The following SGMS1 variants were observed in gnomAD, a reference collection of about 807,000 sequenced individuals.
The protein encoded by SGMS1 is sphingomyelin synthase 1.
A neutral mutation model predicts 46.2 loss-of-function variants in SGMS1; 13 were observed. The ratio of observed to expected loss-of-function variants is 0.28; its 90% CI spans 0.18 to 0.45. SGMS1 has a LOEUF of 0.45. SGMS1 is among the 20% of genes least tolerant of loss of function. SGMS1 has a pLI of 1.00. For missense variants in SGMS1, 324 were observed against 519.9 expected (o/e 0.62, Z 3.66); for synonymous variants, 203 against 187.8 (o/e 1.08, Z -0.66).
At chr10:50,570,765 T>C (rs1838330260) in intron 2 of SGMS1, among the ~76,000 whole-genome samples, 1 of 152,256 alleles carries the variant, frequency 6.6e-6, no homozygotes, top group East Asian at 1.9e-4. Context: ...AGATCCTATT[T>C]CTACAAAAAC....
intron 6 of SGMS1, among the ~76,000 whole-genome samples, chr10:50,392,486 C>T (rs1052666597): frequency 6.6e-6 from 1 of 152,142 alleles, no homozygotes; most frequent in African/African-American, 2.4e-5. Context: ...AGCAGTGATA[C>T]CTCTGGGTTC....
chr10:50,327,153 G>C (rs1364721845), intron 8 of SGMS1, 52 bp downstream of exon 8: 1 of 1,128,702 alleles, frequency 8.9e-7, no homozygotes, highest in Admixed American at 1.8e-5. Context: ...AAGGACCCCA[G>C]GGCAAGACAA....
intron 5 of SGMS1, among the ~76,000 whole-genome samples, chr10:50,457,177 T>C (rs979831049): frequency 6.6e-6 from 1 of 152,156 alleles, no homozygotes; most frequent in Non-Finnish European, 1.5e-5. Flanking sequence ...TTTAAGCACA[T>C]AGGAAAAATG....
In SGMS1 at chr10:50,583,041, T is replaced by C. The variant is rs571795483; in HGVS notation, c.-589+7112A>G. Among the ~76,000 whole-genome samples the C allele has an allele frequency of 6.6e-5, 10 of 152,262 alleles. No individual in the cohort carries two copies. In the South Asian group the frequency reaches 8.4e-4, roughly 13 times the overall value. ...AGAGGCTAGCGTGCATGAGGCACTA[T>C]TCTAAGTGCCCTGCAAATGTCCATT... On this transcript the variant is annotated intron_variant, in intron 2 of 10. Coordinates refer to ENST00000361781, the MANE Select transcript of SGMS1 (RefSeq NM_147156.4).
intron 2 of SGMS1, among the ~76,000 whole-genome samples, chr10:50,587,633 A>ATGTGTGTGTGTGTGTGTG (rs35240090): frequency 3.1e-4 from 43 of 138,256 alleles, no homozygotes; most frequent in African/African-American, 7.2e-4. Flanking sequence ...CAAAATATAT[A>ATGTGTGTGTGTGTGTGTG]TGTGTGTGTG....
At chr10:50,614,129 A>G (rs1286754281) in intron 1 of SGMS1, among the ~76,000 whole-genome samples, 1 of 150,402 alleles carries the variant, frequency 6.6e-6, no homozygotes, top group South Asian at 2.1e-4. Context: ...TTTTTTGCCA[A>G]TGGAAGGGGG....
chr10:50,572,640 T>C (rs1838346266), intron 2 of SGMS1, among the ~76,000 whole-genome samples: 1 of 152,212 alleles, frequency 6.6e-6, no homozygotes, highest in African/African-American at 2.4e-5. Flanking sequence ...AGTTTTCATT[T>C]CTAAAACTAT....
At chr10:50,624,527 C>T (rs894571739), upstream of SGMS1, 3 of 934,694 alleles carry the variant, frequency 3.2e-6, no homozygotes, top group Non-Finnish European at 3.8e-6. Flanking sequence ...CCTGGGAGCG[C>T]GACGGAGGCG....
At chr10:50,488,576 A>C (rs779242450) in intron 3 of SGMS1, among the ~76,000 whole-genome samples, 1 of 152,230 alleles carries the variant, frequency 6.6e-6, no homozygotes, top group Non-Finnish European at 1.5e-5. Flanking sequence ...AGGTGTCTAC[A>C]AAATGAGTCA....
intron 7 of SGMS1, among the ~76,000 whole-genome samples, chr10:50,337,798 GA>G (rs370855679): frequency 6.2e-5 from 9 of 145,768 alleles, no homozygotes; most frequent in African/African-American, 2.3e-4. Context: ...AAATGCTATA[GA>G]AATAATCTCT....
chr10:50,378,533 C>T (rs985989554), intron 6 of SGMS1, among the ~76,000 whole-genome samples: 1 of 152,164 alleles, frequency 6.6e-6, no homozygotes, highest in African/African-American at 2.4e-5. Context: ...CCAACTACAG[C>T]AGTAAAATTT....
At chr10:50,426,634 G>A (rs74132713) in intron 6 of SGMS1, among the ~76,000 whole-genome samples, 4,421 of 152,160 alleles carry the variant, frequency 0.029, 218 homozygotes, top group African/African-American at 0.1. Flanking sequence ...AATTAACCCT[G>A]TGCCTTTTGA....
chr10:50,535,064 T>C (rs1174054046), intron 2 of SGMS1, among the ~76,000 whole-genome samples: 1 of 152,070 alleles, frequency 6.6e-6, no homozygotes, highest in Non-Finnish European at 1.5e-5. Flanking sequence ...TGAAACCGTC[T>C]CTACTAAAAA....
chr10:50,321,664 ACAGGATGG>A (rs1310427646), intron 8 of SGMS1, among the ~76,000 whole-genome samples: 1 of 152,236 alleles, frequency 6.6e-6, no homozygotes, highest in Non-Finnish European at 1.5e-5. Flanking sequence ...ACACCATCCA[ACAGGATGG>A]CAGGAAGTTA....
chr10:50,618,443 C>CA (rs1337647332), intron 1 of SGMS1, among the ~76,000 whole-genome samples: 1 of 151,848 alleles, frequency 6.6e-6, no homozygotes, highest in African/African-American at 2.4e-5. Flanking sequence ...TAGAATATAC[C>CA]AAAAAAATCT....
At chr10:50,600,534 C>A (rs1838639898) in intron 1 of SGMS1, among the ~76,000 whole-genome samples, 1 of 152,180 alleles carries the variant, frequency 6.6e-6, no homozygotes, top group Non-Finnish European at 1.5e-5. Context: ...TTTGAACACC[C>A]AATCACATCC....
At chr10:50,597,998 G>C (rs1277309951) in intron 1 of SGMS1, among the ~76,000 whole-genome samples, 5 of 148,470 alleles carry the variant, frequency 3.4e-5, no homozygotes, top group Non-Finnish European at 5.9e-5. Context: ...GGCAACAAGA[G>C]TGAAACTCCG....
chr10:50,355,032 GAT>G (rs1305488518), intron 6 of SGMS1, among the ~76,000 whole-genome samples: 1 of 152,210 alleles, frequency 6.6e-6, no homozygotes, highest in Non-Finnish European at 1.5e-5. Flanking sequence ...AAGTCAGTGT[GAT>G]GATTCCTCAG....
chr10:50,312,852 G>A (rs1301601615), intron 8 of SGMS1, among the ~76,000 whole-genome samples: 1 of 152,138 alleles, frequency 6.6e-6, no homozygotes, highest in Non-Finnish European at 1.5e-5. Context: ...GAGAGATGAA[G>A]GACTTCACAG....
Sources: allele counts gnomAD v4.1 joint callset (sites outside exome capture counted in the v4.1 genomes callset), GRCh38; gene constraint gnomAD v4.1.1; transcripts MANE v1.5; gene names NCBI Gene and HGNC (gene_info 2026-07-23, HGNC 2026-07-21).